Variants in CADPS2 observed in about 807,000 individuals in gnomAD.
CADPS2 encodes calcium-dependent secretion activator 2.
CADPS2 carries 93 observed loss-of-function variants against 172.5 expected under a neutral mutation model. The ratio of observed to expected loss-of-function variants is 0.54; its 90% CI spans 0.46 to 0.64. CADPS2 has a LOEUF of 0.64. Among genes scored for constraint, CADPS2 ranks in the 30% least tolerant of loss-of-function variants. The pLI, the probability that CADPS2 is intolerant of heterozygous loss-of-function variation, is 0.00. For missense variants in CADPS2, 1,420 were observed against 1,565.9 expected (o/e 0.91, Z 1.57); for synonymous variants, 546 against 555.2 (o/e 0.98, Z 0.23).
At chr7:122,801,734 GA>G in intron 1 of CADPS2, among the ~76,000 whole-genome samples, 1 of 151,450 alleles carries the variant, frequency 6.6e-6, no homozygotes, top group Middle Eastern at 3.4e-3. Context: ...ATAACTACAT[GA>G]AAATGAAAAA....
At chr7:122,880,737 C>T (rs187128185) in intron 1 of CADPS2, among the ~76,000 whole-genome samples, 2 of 152,238 alleles carry the variant, frequency 1.3e-5, no homozygotes, top group Admixed American at 1.3e-4. Context: ...AGATAAGAAT[C>T]GCACTTCTTT....
At chr7:122,796,502 G>A (rs1796404013) in intron 1 of CADPS2, among the ~76,000 whole-genome samples, 1 of 152,020 alleles carries the variant, frequency 6.6e-6, no homozygotes, top group Non-Finnish European at 1.5e-5. Context: ...GCATGGTGCT[G>A]GTATAAAAAC....
At chr7:122,387,246 C>A in intron 23 of CADPS2, 73 bp from the exon 24 acceptor site, 1 of 1,412,238 alleles carries the variant, frequency 7.1e-7, no homozygotes, top group South Asian at 1.3e-5. Context: ...AAAGTGAAAT[C>A]AACACTACAA....
intron 6 of CADPS2, among the ~76,000 whole-genome samples, chr7:122,582,856 TA>T (rs889140774): frequency 6.6e-6 from 1 of 152,080 alleles, no homozygotes; most frequent in Admixed American, 6.6e-5. Flanking sequence ...ATTTGCTTTT[TA>T]AAATCCTCCC....
chr7:122,591,497 A>C (rs1237205907), intron 6 of CADPS2, among the ~76,000 whole-genome samples: 7 of 152,156 alleles, frequency 4.6e-5, no homozygotes, highest in Non-Finnish European at 1.0e-4. Context: ...TTTAAAGTTC[A>C]TATTGAACCA....
In CADPS2 at chr7:122,486,571, GGAA is replaced by G. The variant is rs1263541020; in HGVS notation, c.1852+3507_1852+3509del. ...AAGCAAAGAAAGTGATTTTTGAGAT[GGAA>G]TCTACTTCTGGTGAAGATGCTGTGA... On this transcript the variant is annotated intron_variant, in intron 11 of 29. Transcript: ENST00000449022. 2.0e-5 allele frequency among the ~76,000 whole-genome samples: 3 copies of G among 152,152 alleles called. No homozygotes were observed. In the East Asian group the frequency reaches 5.8e-4, roughly 29 times the overall value.
At chr7:122,674,585 AAAGT>A (rs1460663355) in intron 2 of CADPS2, among the ~76,000 whole-genome samples, 2 of 152,236 alleles carry the variant, frequency 1.3e-5, no homozygotes, top group African/African-American at 2.4e-5. Flanking sequence ...ATATCTGCCA[AAAGT>A]AAGTCTGCTC....
intron 8 of CADPS2, among the ~76,000 whole-genome samples, chr7:122,524,472 C>G (rs1030358096): frequency 2.0e-5 from 3 of 152,086 alleles, no homozygotes; most frequent in Non-Finnish European, 4.4e-5. Context: ...CAGTGTGTGT[C>G]TTGGAACATC....
At position 122,873,669 on chromosome 7, in the gene CADPS2, C is replaced by T. The variant is rs553215809; in HGVS notation, c.339+12330G>A. Among the ~76,000 whole-genome samples the T allele has an allele frequency of 1.6e-4, 24 of 152,260 alleles. No individual in the cohort carries two copies. The South Asian group carries it at 5.0e-3, about 32-fold the overall frequency. On this transcript the variant is annotated intron_variant, in intron 1 of 29. Transcript: ENST00000449022. ...TCCTTATAGTATAATGATTTATAAT[C>T]CTTTGGGTATATACCCAATAATGAG... is the stretch of plus-strand genomic sequence containing the variant.
chr7:122,477,053 AG>A (rs199514313), intron 12 of CADPS2, among the ~76,000 whole-genome samples: 3,292 of 24,242 alleles, frequency 0.14, 186 homozygotes, highest in African/African-American at 0.33. Context: ...GAGAGAGAGA[AG>A]AGAGAGAGAG....
chr7:122,388,887 C>A, intron 22 of CADPS2, 149 bp from the exon 23 acceptor site: 1 of 746,084 alleles, frequency 1.3e-6, no homozygotes, highest in South Asian at 3.1e-5. Context: ...CTTTGTTCAG[C>A]CTTCTAATTG....
intron 1 of CADPS2, among the ~76,000 whole-genome samples, chr7:122,884,071 T>C (rs1013027420): frequency 3.9e-5 from 6 of 152,196 alleles, no homozygotes; most frequent in Non-Finnish European, 7.3e-5. Flanking sequence ...GTATTCACAG[T>C]ATAAATCAAC....
In CADPS2 at chr7:122,615,273, C is replaced by G; in HGVS notation, c.1131G>C (p.Leu377=). 6.4e-7 allele frequency: 1 copy of G among 1,550,490 alleles called. No homozygotes were observed. Among genetic ancestry groups the G allele is most frequent in the Non-Finnish European group, 8.7e-7 (1 of 1,144,482 alleles). The change falls in exon 6 of 30, where the codon CTG becomes CTC. Residue 377 remains leucine (L), a synonymous_variant. Transcript: ENST00000449022. ...CAATTCGATTGGGAGCAACTGACTT[C>G]AGGCCTTGCACTTCCATTATGACAA... ...LEIVIMEVQG[L]KSVAPNRIVY...
chr7:122,356,281 T>A (rs541485374), intron 27 of CADPS2, among the ~76,000 whole-genome samples: 1 of 152,326 alleles, frequency 6.6e-6, no homozygotes, highest in African/African-American at 2.4e-5. Flanking sequence ...TATTTTGTAG[T>A]GTATCACCTA....
chr7:122,619,688 G>A (rs550931639), intron 5 of CADPS2, among the ~76,000 whole-genome samples: 2 of 152,142 alleles, frequency 1.3e-5, no homozygotes, highest in African/African-American at 4.8e-5. Context: ...ATTAAGGGAC[G>A]AATTGTGTTT....
intron 3 of CADPS2, among the ~76,000 whole-genome samples, chr7:122,631,202 AT>A (rs1471630064): frequency 6.6e-6 from 1 of 152,186 alleles, no homozygotes; most frequent in African/African-American, 2.4e-5. Context: ...GCTGATACAT[AT>A]TTCTTCAAAA....
intron 1 of CADPS2, among the ~76,000 whole-genome samples, chr7:122,747,506 T>C (rs2092767170): frequency 6.6e-6 from 1 of 152,160 alleles, no homozygotes; most frequent in East Asian, 1.9e-4. Context: ...ATGTAACAAC[T>C]AGTCATAATA....
intron 14 of CADPS2, among the ~76,000 whole-genome samples, chr7:122,457,306 G>A (rs1445874584): frequency 6.6e-6 from 1 of 152,126 alleles, no homozygotes; most frequent in East Asian, 1.9e-4. Flanking sequence ...TCCCTTGTTT[G>A]AACAGTTTGT....
chr7:122,568,038 T>C (rs1202972882), intron 7 of CADPS2, among the ~76,000 whole-genome samples: 1 of 152,106 alleles, frequency 6.6e-6, no homozygotes, highest in Admixed American at 6.6e-5. Flanking sequence ...TCAAGAAATA[T>C]AGTCTAAGTG....
Sources: gnomAD v4.1 joint callset for allele counts (sites outside exome capture counted in the v4.1 genomes callset) on GRCh38, gnomAD v4.1.1 for gene constraint, MANE v1.5 for transcripts, NCBI Gene and HGNC (gene_info 2026-07-23, HGNC 2026-07-21) for gene names.